PXT1: variants seen among roughly 807,000 people sequenced by gnomAD.
The protein encoded by PXT1 is peroxisomal testis-specific protein 1.
A neutral mutation model predicts 11.0 loss-of-function variants in PXT1; 11 were observed. The ratio of observed to expected loss-of-function variants is 1.00; its 90% CI spans 0.63 to 1.66. The LOEUF is 1.66. Among genes scored for constraint, PXT1 ranks in the 40% most tolerant of loss-of-function variants. The pLI, the probability that PXT1 is intolerant of heterozygous loss-of-function variation, is 0.00. For missense variants in PXT1, 141 were observed against 155.5 expected (o/e 0.91, Z 0.49); for synonymous variants, 43 against 51.4 (o/e 0.84, Z 0.70).
At chr6:36,418,175 G>T (rs192784441) in intron 3 of PXT1, among the ~76,000 whole-genome samples, 2 of 151,252 alleles carry the variant, frequency 1.3e-5, no homozygotes, top group Non-Finnish European at 2.9e-5. Flanking sequence ...CAGCCTGGGC[G>T]ACAGAGCGAG....
At chr6:36,420,677 A>G (rs1774511564) in intron 3 of PXT1, among the ~76,000 whole-genome samples, 1 of 152,250 alleles carries the variant, frequency 6.6e-6, no homozygotes, top group Non-Finnish European at 1.5e-5. Flanking sequence ...GCAAACATAT[A>G]GCACTTACAA....
intron 1 of PXT1, among the ~76,000 whole-genome samples, chr6:36,442,268 A>T (rs1032489000): frequency 1.3e-5 from 2 of 152,098 alleles, no homozygotes; most frequent in Non-Finnish European, 2.9e-5. Flanking sequence ...ACCTCAGGTG[A>T]TCTGCCCGCC....
At chr6:36,437,358 T>C (rs1582276498) in intron 2 of PXT1, among the ~76,000 whole-genome samples, 1 of 152,104 alleles carries the variant, frequency 6.6e-6, no homozygotes, top group African/African-American at 2.4e-5. Context: ...CCTCCTCCAA[T>C]GCCTGTAAAG....
chr6:36,430,784 C>T (rs1196241282), intron 2 of PXT1, among the ~76,000 whole-genome samples: 2 of 151,982 alleles, frequency 1.3e-5, no homozygotes, highest in African/African-American at 4.8e-5. Flanking sequence ...AGTAAATTGT[C>T]GTTTTATTTA....
intron 3 of PXT1, among the ~76,000 whole-genome samples, chr6:36,422,369 C>T (rs1041846206): frequency 2.0e-5 from 3 of 152,206 alleles, no homozygotes; most frequent in Non-Finnish European, 2.9e-5. Context: ...TCCCCCTTAA[C>T]CCCTTCAGGT....
chr6:36,397,440 A>G (rs1582246347), intron 4 of PXT1, among the ~76,000 whole-genome samples: 1 of 152,132 alleles, frequency 6.6e-6, no homozygotes, highest in Non-Finnish European at 1.5e-5. Context: ...ACAAAATCCA[A>G]ATGGTGTTGG....
At chr6:36,420,017 A>G (rs999811354) in intron 3 of PXT1, among the ~76,000 whole-genome samples, 1 of 152,174 alleles carries the variant, frequency 6.6e-6, no homozygotes, top group Non-Finnish European at 1.5e-5. Context: ...TTCACTGTAC[A>G]TCTTTTCATT....
chr6:36,422,091 AT>A (rs1301699759), intron 3 of PXT1, among the ~76,000 whole-genome samples: 1 of 152,198 alleles, frequency 6.6e-6, no homozygotes, highest in Non-Finnish European at 1.5e-5. Flanking sequence ...TAGACTGTAT[AT>A]TAATATGTAT....
chr6:36,412,350 TCAAAAATAAAAA>T (rs1774387042), intron 3 of PXT1, among the ~76,000 whole-genome samples: 1 of 146,230 alleles, frequency 6.8e-6, no homozygotes, highest in Admixed American at 6.9e-5. Flanking sequence ...AGACTCTGTC[TCAAAAATAAAAA>T]CAAAAATAAA....
chr6:36,391,520 T>C lies in PXT1; in HGVS notation c.*250A>G. 2.1e-6 allele frequency: 1 copy of C among 478,604 alleles called. No individual in the cohort carries two copies. The highest frequency in any genetic ancestry group is 3.7e-6 in the Non-Finnish European group (1 of 269,314). 29.6% of individuals were successfully genotyped at this position (478,604 alleles called of 1,614,324 possible). A position where few individuals can be genotyped will look rare whatever the true frequency, so the allele number is the denominator to read the frequency against. Reference sequence around the variant, plus strand: ...GCTGGTGTTTTCTGGGCAGCAAGGCTTCCTGGGGTCCTAATTACTCCTTGG... The same window carrying C: ...GCTGGTGTTTTCTGGGCAGCAAGGCCTCCTGGGGTCCTAATTACTCCTTGG... On this transcript the variant is annotated 3_prime_UTR_variant, in exon 5 of 5. Coordinates refer to ENST00000454782, the MANE Select transcript of PXT1 (RefSeq NM_152990.4).
intron 2 of PXT1, among the ~76,000 whole-genome samples, chr6:36,426,773 C>G (rs1774614151): frequency 6.6e-6 from 1 of 152,004 alleles, no homozygotes; most frequent in South Asian, 2.1e-4. Context: ...TAGATCAAAA[C>G]CTAGAGAGGC....
chr6:36,407,375 T>A (rs1266778180), intron 3 of PXT1, among the ~76,000 whole-genome samples: 1 of 152,300 alleles, frequency 6.6e-6, no homozygotes, highest in East Asian at 1.9e-4. Flanking sequence ...TTTAACAAGA[T>A]TCAAAATGAA....
intron 4 of PXT1, among the ~76,000 whole-genome samples, chr6:36,396,140 C>T (rs138624695): frequency 2.6e-5 from 4 of 152,318 alleles, no homozygotes; most frequent in South Asian, 2.1e-4. Context: ...TACAGATCAG[C>T]GGAACAGAAT....
intron 3 of PXT1, among the ~76,000 whole-genome samples, chr6:36,421,778 C>T (rs767788759): frequency 1.4e-4 from 21 of 152,128 alleles, no homozygotes; most frequent in Non-Finnish European, 2.8e-4. Context: ...TTAGTTTCTA[C>T]AAACTTTTTA....
chr6:36,420,582 T>A (rs1774510022), intron 3 of PXT1, among the ~76,000 whole-genome samples: 1 of 152,068 alleles, frequency 6.6e-6, no homozygotes, highest in South Asian at 2.1e-4. Context: ...ACTGAGCAGA[T>A]GGGGGACAAG....
chr6:36,401,932 T>C (rs1272943970), intron 3 of PXT1, among the ~76,000 whole-genome samples: 1 of 148,484 alleles, frequency 6.7e-6, no homozygotes, highest in Non-Finnish European at 1.5e-5. Context: ...TGAATAACTA[T>C]ATATAAAAAA....
intron 3 of PXT1, among the ~76,000 whole-genome samples, chr6:36,422,942 C>T (rs1774543471): frequency 6.6e-6 from 1 of 152,190 alleles, no homozygotes; most frequent in South Asian, 2.1e-4. Flanking sequence ...TGCTTTTACT[C>T]ATCTTTGTTT....
chr6:36,440,092 T>C (rs924802498), intron 1 of PXT1, among the ~76,000 whole-genome samples: 1 of 152,002 alleles, frequency 6.6e-6, no homozygotes, highest in Non-Finnish European at 1.5e-5. Flanking sequence ...GGCAAGACTC[T>C]GTCTCAGAAA....
chr6:36,436,113 C>CAAAAA (rs11294829), intron 2 of PXT1, among the ~76,000 whole-genome samples: 1 of 60,094 alleles, frequency 1.7e-5, no homozygotes, highest in Non-Finnish European at 3.3e-5. Flanking sequence ...AAAAGTAAGC[C>CAAAAA]AAAAAAAAAA....
Sources: allele counts gnomAD v4.1 joint callset (sites outside exome capture counted in the v4.1 genomes callset), GRCh38; gene constraint gnomAD v4.1.1; transcripts MANE v1.5; gene names NCBI Gene and HGNC (gene_info 2026-07-23, HGNC 2026-07-21).